PZP: variants seen among roughly 807,000 people sequenced by gnomAD.
PZP encodes PZP alpha-2-macroglobulin like, also known as pregnancy zone protein.
Under a neutral mutation model 179.8 loss-of-function variants are expected in PZP, and 150 were observed. That is an observed-to-expected ratio of 0.83 (90% CI 0.73 to 0.96). The LOEUF is 0.96. PZP is among the 40% of genes least tolerant of loss of function. The probability of loss-of-function intolerance (pLI) is 0.00; values close to 1 mark genes in which losing one functional copy is unlikely to be tolerated. For synonymous variants in PZP, 624 were observed against 652.3 expected (o/e 0.96, Z 0.66); for missense variants, 1,689 against 1,764.0 (o/e 0.96, Z 0.76).
At position 9,194,165 on chromosome 12, in the gene PZP, T is replaced by A; in HGVS notation, c.1166A>T (p.Tyr389Phe). 1 of 1,613,938 alleles carries A rather than the reference T, an allele frequency of 6.2e-7. No individual in the cohort carries two copies. Among genetic ancestry groups the A allele is most frequent in the Non-Finnish European group, 8.5e-7 (1 of 1,179,916 alleles). The stretch of plus-strand genomic sequence containing the variant: ...CTCATTGGTGGTTGCATTGGAGTAA[T>A]AATTGGCGTCATTCACAGAGATGAA... Reference protein sequence around the residue: ...LFFISVNDANYYSNATTNEQG... With the variant: ...LFFISVNDANFYSNATTNEQG... The change falls in exon 11 of 36, where the codon TAT (tyrosine) becomes TTT (phenylalanine). Residue 389 changes from tyrosine to phenylalanine, a missense_variant. This residue lies in a region of PZP where 742 missense variants were observed against 730.5 expected (regional missense o/e 1.02). Coordinates refer to ENST00000261336, the MANE Select transcript of PZP (RefSeq NM_002864.3).
chr12:9,163,874 C>T, intron 20 of PZP, 85 bp from the exon 21 acceptor site: 2 of 1,459,088 alleles, frequency 1.4e-6, no homozygotes, highest in Non-Finnish European at 1.8e-6. Context: ...TTATAGTTGT[C>T]CAGAATAGAA....
intron 1 of PZP, 93 bp from the exon 2 acceptor site, chr12:9,204,044 G>A: frequency 1.6e-6 from 2 of 1,232,494 alleles, no homozygotes; most frequent in Non-Finnish European, 2.3e-6. Context: ...GTATTAATTG[G>A]TGCAATCAGT....
At chr12:9,150,508 G>A (rs575968903) in intron 34 of PZP, 136 bp downstream of exon 34, 323 of 598,454 alleles carry the variant, frequency 5.4e-4, no homozygotes, top group South Asian at 3.4e-3. Context: ...GTAGTAAGTC[G>A]TTTTTATAGT....
intron 10 of PZP, among the ~76,000 whole-genome samples, chr12:9,194,625 C>T (rs1371587658): frequency 6.6e-6 from 1 of 152,064 alleles, no homozygotes; most frequent in East Asian, 1.9e-4. Context: ...CCACCCCGCC[C>T]AGCTAATTTT....
chr12:9,160,404 C>A lies in PZP; in HGVS notation c.2959G>T (p.Ala987Ser), dbSNP rs757852514. The A allele has an allele frequency of 6.2e-7, 1 of 1,613,998 alleles. No individual in the cohort carries two copies. The highest frequency in any genetic ancestry group is 8.5e-7 in the Non-Finnish European group (1 of 1,179,890). The change falls in exon 24 of 36, where the codon GCT becomes TCT. Residue 987 changes from alanine (A) to serine (S), a missense_variant. Ala to Ser is a moderately conservative substitution (Grantham distance 99). Coordinates refer to ENST00000261336, the MANE Select transcript of PZP (RefSeq NM_002864.3). ...TAGTTCAAGACATAGATGTTAGGAG[C>A]AAATAGGACCATGTTCTGTTCTCCA... ...GCGEQNMVLFAPNIYVLNYLN... is the reference protein window; with the variant it reads ...GCGEQNMVLFSPNIYVLNYLN...
chr12:9,201,575 A>G (rs981097446), intron 4 of PZP, among the ~76,000 whole-genome samples: 2 of 152,216 alleles, frequency 1.3e-5, no homozygotes, highest in African/African-American at 2.4e-5. Flanking sequence ...CCTGAAAATT[A>G]TTATTGGTGA....
At chr12:9,181,337 C>T (rs1308796113) in intron 14 of PZP, among the ~76,000 whole-genome samples, 1 of 152,238 alleles carries the variant, frequency 6.6e-6, no homozygotes, top group Non-Finnish European at 1.5e-5. Context: ...CAGATCCCAA[C>T]AACTCTAGAG....
chr12:9,149,984 C>G (rs1211553285), intron 34 of PZP, among the ~76,000 whole-genome samples: 2 of 152,130 alleles, frequency 1.3e-5, no homozygotes, highest in Non-Finnish European at 2.9e-5. Flanking sequence ...TCTATAGACC[C>G]CCAAAACTCC....
chr12:9,202,200 G>A (rs978191107), intron 4 of PZP, 119 bp downstream of exon 4: 2 of 904,320 alleles, frequency 2.2e-6, no homozygotes, highest in African/African-American at 3.3e-5. Context: ...GCTGAGGCTG[G>A]AGCCAAGTTC....
chr12:9,145,963 A>G (rs759737951), downstream of PZP, among the ~76,000 whole-genome samples: 2 of 152,248 alleles, frequency 1.3e-5, no homozygotes, highest in African/African-American at 4.8e-5. Flanking sequence ...ATTGCTTTGA[A>G]AATTCTCTTT....
At position 9,161,022 on chromosome 12, in the gene PZP, AG is replaced by A. The variant is rs1462425969; in HGVS notation, c.2872+10del. ...TTTTGGCCCAGGTTTACTAAATGGA[AG>A]GTGACTCACCCAGAACTGAGAAAGA... is the stretch of plus-strand genomic sequence containing the variant. On this transcript the variant is annotated intron_variant, in intron 23 of 35. Transcript: ENST00000261336. The A allele has an allele frequency of 2.6e-6, 4 of 1,554,376 alleles. No homozygotes were observed. Among genetic ancestry groups the A allele is most frequent in the Non-Finnish European group, 3.6e-6 (4 of 1,125,712 alleles).
chr12:9,156,999 A>G (rs1055439402), intron 28 of PZP, among the ~76,000 whole-genome samples, 176 bp downstream of exon 28: 1 of 151,998 alleles, frequency 6.6e-6, no homozygotes, highest in Non-Finnish European at 1.5e-5. Flanking sequence ...TAGGTGTGCC[A>G]TGGTGGTTTG....
chr12:9,151,386 A>G (rs1465116459), intron 33 of PZP, among the ~76,000 whole-genome samples: 1 of 152,246 alleles, frequency 6.6e-6, no homozygotes, highest in Non-Finnish European at 1.5e-5. Flanking sequence ...TAAATTTCAT[A>G]GAAATATTCA....
Position 9,202,317 on chromosome 12 carries a change from A to T in PZP, c.480+2T>A. The T allele has an allele frequency of 6.2e-7, 1 of 1,612,386 alleles. No individual in the cohort carries two copies. Among genetic ancestry groups the T allele is most frequent in the East Asian group, 2.2e-5 (1 of 44,884 alleles). On this transcript the variant is annotated splice_donor_variant, in intron 4 of 35. Coordinates refer to ENST00000261336, the MANE Select transcript of PZP (RefSeq NM_002864.3). LOFTEE classifies it high-confidence loss of function. The stretch of plus-strand genomic sequence containing the variant: ...CCCAAACCACAGATAGTGGATGCTT[A>T]CCAGTTCATTTCGAGGGCGAAAATT...
chr12:9,166,738 CA>C (rs1197420102), intron 17 of PZP, among the ~76,000 whole-genome samples: 1 of 152,078 alleles, frequency 6.6e-6, no homozygotes, highest in Non-Finnish European at 1.5e-5. Context: ...GATTTTATTC[CA>C]CTTATTTTTT....
Position 9,181,937 on chromosome 12 carries a change from T to C in PZP, c.1689+38A>G, listed in dbSNP as rs755441405. ...AAATAGATGGCACCTACAGTATCATTTATTTGTGTTCTTTTAATTTTATGT... is the reference window on the plus strand; with the variant it reads ...AAATAGATGGCACCTACAGTATCATCTATTTGTGTTCTTTTAATTTTATGT... On this transcript the variant is annotated intron_variant, in intron 14 of 35. Coordinates refer to ENST00000261336, the MANE Select transcript of PZP (RefSeq NM_002864.3). 1.9e-6 allele frequency: 3 copies of C among 1,601,396 alleles called. No individual in the cohort carries two copies. In the South Asian group the frequency reaches 3.3e-5, roughly 18 times the overall value.
At chr12:9,149,696 C>T in intron 34 of PZP, 94 bp from the exon 35 acceptor site, 6 of 1,173,890 alleles carry the variant, frequency 5.1e-6, no homozygotes, top group Non-Finnish European at 6.1e-6. Flanking sequence ...TGGAGAAAAG[C>T]ACGCCCTATC....
At chr12:9,144,996 C>T (rs1939935314), downstream of PZP, among the ~76,000 whole-genome samples, 1 of 152,236 alleles carries the variant, frequency 6.6e-6, no homozygotes. Context: ...CTGTCACCTA[C>T]TCTCTTGTGA....
At position 9,169,923 on chromosome 12, in the gene PZP, C is replaced by A. The variant is rs76636529; in HGVS notation, c.1840-332G>T. 102 of 173,796 alleles carry A rather than the reference C, an allele frequency of 5.9e-4. 1 individual carries two copies. In the East Asian group the frequency reaches 0.015, roughly 26 times the overall value. 10.8% of individuals were successfully genotyped at this position (173,796 alleles called of 1,614,324 possible). ...ATCTGTGTTTAATTAATACATAATG[C>A]CCTGAGGAATTTAGCTACATATTAT... On this transcript the variant is annotated intron_variant, in intron 15 of 35. Transcript: ENST00000261336.
Sources: gnomAD v4.1 joint callset for allele counts (sites outside exome capture counted in the v4.1 genomes callset) on GRCh38, gnomAD v4.1.1 for gene constraint, gnomAD v4.1.1 regional missense constraint, MANE v1.5 for transcripts, NCBI Gene and HGNC (gene_info 2026-07-23, HGNC 2026-07-21) for gene names.